Variants in FAM135B observed in about 807,000 individuals in gnomAD.
FAM135B encodes the protein protein FAM135B.
A neutral mutation model predicts 127.7 loss-of-function variants in FAM135B; 43 were observed. The observed-to-expected ratio is 0.34, with a 90% confidence interval of 0.26 to 0.43. The LOEUF (loss-of-function observed/expected upper bound fraction) is 0.43. Ranked by LOEUF, FAM135B falls within the 20% of genes least tolerant of loss-of-function variation. The pLI, the probability that FAM135B is intolerant of heterozygous loss-of-function variation, is 1.00. For synonymous variants in FAM135B, 670 were observed against 665.1 expected (o/e 1.01, Z -0.11); for missense variants, 1,558 against 1,725.6 (o/e 0.90, Z 1.72).
At chr8:138,284,144 T>C (rs1824490606) in intron 3 of FAM135B, among the ~76,000 whole-genome samples, 1 of 152,210 alleles carries the variant, frequency 6.6e-6, no homozygotes, top group South Asian at 2.1e-4. Flanking sequence ...AAAAATATTT[T>C]AGTGAATGAC....
At chr8:138,217,534 C>T (rs1156798000) in intron 7 of FAM135B, among the ~76,000 whole-genome samples, 1 of 151,310 alleles carries the variant, frequency 6.6e-6, no homozygotes, top group Admixed American at 6.6e-5. Context: ...AGGTTCACAC[C>T]ATTCTCCTGC....
intron 2 of FAM135B, among the ~76,000 whole-genome samples, chr8:138,340,721 G>A (rs1358159464): frequency 1.3e-5 from 2 of 152,008 alleles, no homozygotes; most frequent in Non-Finnish European, 2.9e-5. Flanking sequence ...CCTCCCTCCT[G>A]CATGCTTCCC....
At chr8:138,347,843 A>T (rs1829517909) in intron 2 of FAM135B, among the ~76,000 whole-genome samples, 1 of 152,110 alleles carries the variant, frequency 6.6e-6, no homozygotes, top group African/African-American at 2.4e-5. Context: ...AGTAAGTTAC[A>T]TCATGCTTCT....
intron 1 of FAM135B, among the ~76,000 whole-genome samples, chr8:138,382,159 C>T (rs1831897966): frequency 6.6e-6 from 1 of 152,162 alleles, no homozygotes; most frequent in South Asian, 2.1e-4. Context: ...AGCCTCCATT[C>T]CCAACCTTCT....
At chr8:138,266,786 ACACACATACACACACATACACACACG>A (rs1158671271) in intron 3 of FAM135B, among the ~76,000 whole-genome samples, 8 of 5,498 alleles carry the variant, frequency 1.5e-3, no homozygotes, top group Admixed American at 3.4e-3. Context: ...ATACACACAC[ACACACATACACACACATACACACACG>A]CACATACATA....
chr8:138,344,954 A>T (rs900587604), intron 2 of FAM135B, among the ~76,000 whole-genome samples: 2 of 152,052 alleles, frequency 1.3e-5, no homozygotes, highest in Non-Finnish European at 2.9e-5. Flanking sequence ...TGGAAAAGGG[A>T]GTTTGGGTTT....
chr8:138,225,782 G>A (rs760479368), intron 7 of FAM135B, among the ~76,000 whole-genome samples: 5 of 152,162 alleles, frequency 3.3e-5, no homozygotes, highest in Non-Finnish European at 7.3e-5. Flanking sequence ...CCACACCCAG[G>A]TGTCAGGCAG....
intron 7 of FAM135B, among the ~76,000 whole-genome samples, chr8:138,203,028 T>C (rs1817269236): frequency 6.6e-6 from 1 of 152,234 alleles, no homozygotes; most frequent in South Asian, 2.1e-4. Context: ...ATAAAGTTAG[T>C]TAAAATGCTT....
chr8:138,432,059 A>G (rs1835218114), intron 1 of FAM135B, among the ~76,000 whole-genome samples: 1 of 152,140 alleles, frequency 6.6e-6, no homozygotes, highest in Admixed American at 6.5e-5. Flanking sequence ...GCTAATACCC[A>G]TCAGAACGAT....
chr8:138,320,486 G>A (rs1011582746), intron 2 of FAM135B, among the ~76,000 whole-genome samples: 4 of 152,130 alleles, frequency 2.6e-5, no homozygotes, highest in East Asian at 1.9e-4. Context: ...CTGGATTCTC[G>A]CTCTGATCAC....
In FAM135B at chr8:138,243,916, C is replaced by A. The variant is rs538170539; in HGVS notation, c.543-848G>T. ...ACTATATTCTAGGCATGTTTTAGTC[C>A]CTCAGTAAAATTTAAAGTCTCTGAT... On this transcript the variant is annotated intron_variant, in intron 6 of 19. Transcript: ENST00000395297. The surrounding 1 kb of genome is among the most constrained non-coding windows in gnomAD (Gnocchi z 7.5). Among the ~76,000 whole-genome samples, 1 of 151,398 alleles carries A rather than the reference C, an allele frequency of 6.6e-6. No individual in the cohort carries two copies. The highest frequency in any genetic ancestry group is 1.5e-5 in the Non-Finnish European group (1 of 67,880).
intron 1 of FAM135B, among the ~76,000 whole-genome samples, chr8:138,414,898 C>T (rs538055757): frequency 2.6e-4 from 39 of 152,194 alleles, no homozygotes; most frequent in Non-Finnish European, 3.8e-4. Flanking sequence ...ATCCCTCATT[C>T]GAATTTGGGC....
At chr8:138,334,169 C>G (rs990325055) in intron 2 of FAM135B, among the ~76,000 whole-genome samples, 1 of 152,120 alleles carries the variant, frequency 6.6e-6, no homozygotes, top group South Asian at 2.1e-4. Context: ...GTGATCCACC[C>G]TCCTTGGCCT....
chr8:138,222,678 G>GTTTTT (rs33913656), intron 7 of FAM135B, among the ~76,000 whole-genome samples: 7 of 104,044 alleles, frequency 6.7e-5, no homozygotes, highest in Admixed American at 1.1e-4. Flanking sequence ...TGTTGGTGGT[G>GTTTTT]TTTTTTTTTT....
chr8:138,215,825 G>A (rs1255593806), intron 7 of FAM135B, among the ~76,000 whole-genome samples: 1 of 152,116 alleles, frequency 6.6e-6, no homozygotes, highest in Non-Finnish European at 1.5e-5. Flanking sequence ...GTGATGCCAC[G>A]CAAAGATTAG....
intron 1 of FAM135B, among the ~76,000 whole-genome samples, chr8:138,451,569 T>C (rs558546059): frequency 2.6e-5 from 4 of 152,320 alleles, no homozygotes; most frequent in South Asian, 4.1e-4. Context: ...CAAGCTTGAA[T>C]GGTGAAAAAT....
chr8:138,292,719 A>G (rs964324396), intron 3 of FAM135B, among the ~76,000 whole-genome samples: 3 of 152,142 alleles, frequency 2.0e-5, no homozygotes, highest in African/African-American at 7.2e-5. Flanking sequence ...ATATCAAATC[A>G]TCACATTGCA....
chr8:138,293,666 C>T (rs1439721233), intron 3 of FAM135B, among the ~76,000 whole-genome samples: 1 of 152,066 alleles, frequency 6.6e-6, no homozygotes, highest in Non-Finnish European at 1.5e-5. Flanking sequence ...AACTAATCAT[C>T]AGGGAAATGC....
intron 1 of FAM135B, among the ~76,000 whole-genome samples, chr8:138,429,753 A>C (rs1835094857): frequency 1.3e-5 from 2 of 152,206 alleles, no homozygotes; most frequent in Non-Finnish European, 2.9e-5. Flanking sequence ...AGTCCAGAGC[A>C]GAGATCAAAG....
Sources: allele counts gnomAD v4.1 joint callset (sites outside exome capture counted in the v4.1 genomes callset), GRCh38; gene constraint gnomAD v4.1.1; non-coding constraint Gnocchi (gnomAD v3.1); transcripts MANE v1.5; gene names NCBI Gene and HGNC (gene_info 2026-07-23, HGNC 2026-07-21).